Variants in CD8A observed in about 807,000 individuals in gnomAD.
CD8A encodes CD8 subunit alpha, also known as T-cell surface glycoprotein CD8 alpha chain.
CD8A carries 25 observed loss-of-function variants against 24.2 expected under a neutral mutation model. The ratio of observed to expected loss-of-function variants is 1.03; its 90% confidence interval spans 0.75 to 1.44. The LOEUF is 1.44. Ranked by LOEUF, CD8A falls within the 40% of genes most tolerant of loss-of-function variation. The probability of loss-of-function intolerance (pLI) is 0.00; values close to 1 mark genes in which losing one functional copy is unlikely to be tolerated. For missense variants in CD8A, 360 were observed against 319.7 expected, an observed-to-expected ratio of 1.13 and a Z score of -0.96; for synonymous variants, 165 against 149.9, an observed-to-expected ratio of 1.10 and a Z score of -0.74.
rs375607264 is a variant in CD8A, at chr2:86,802,855, C to A, written c.-417-1198G>T. 3.9e-5 allele frequency among the ~76,000 whole-genome samples: 6 copies of A among 152,130 alleles called. No homozygotes were observed. In the East Asian group the frequency reaches 1.2e-3, roughly 29 times the overall value. On this transcript the variant is annotated intron_variant, in intron 2 of 8. Coordinates refer to the CD8A transcript ENST00000409511. ...TGAACTCTTGGCCTCAAGTGATCTG[C>A]CTGCCTTGGCTTCCCAAAATGCTGG... is the stretch of plus-strand genomic sequence containing the variant.
At chr2:86,793,909 G>C (rs1056076704), upstream of CD8A, among the ~76,000 whole-genome samples, 1 of 152,182 alleles carries the variant, frequency 6.6e-6, no homozygotes, top group African/African-American at 2.4e-5. Context: ...TGGGGGTTGG[G>C]GTGGGGAGGA....
Position 86,790,679 on chromosome 2 carries a change from C to A in CD8A, c.52G>T (p.Ala18Ser), listed in dbSNP as rs1401592907. 9 of 1,596,266 alleles carry A rather than the reference C, an allele frequency of 5.6e-6. No homozygotes were observed. The highest frequency in any genetic ancestry group is 5.1e-6 in the Non-Finnish European group (6 of 1,178,300). The change falls in exon 2 of 6, where the codon GCC becomes TCC. Residue 18 changes from alanine to serine, a missense_variant and splice_region_variant. Transcript: ENST00000283635. ...ACCCGGAACTGGCTCGGCCTGGCGG[C>A]GTCTGCAGGCGGCAAGCAGCGAGGC... ...LLLPLALLLH[A>S]ARPSQFRVSP...
At chr2:86,797,296 A>G (rs1673513134) in intron 3 of CD8A, among the ~76,000 whole-genome samples, 1 of 152,076 alleles carries the variant, frequency 6.6e-6, no homozygotes, top group Non-Finnish European at 1.5e-5. Context: ...CATACAGAAG[A>G]GTATATGGAA....
Position 86,785,153 on chromosome 2 carries a change from A to G in CD8A, c.*767T>C. On this transcript the variant is annotated 3_prime_UTR_variant, in exon 6 of 6. Coordinates refer to ENST00000283635, the MANE Select transcript of CD8A (RefSeq NM_001768.7). Reference sequence around the variant, plus strand: ...CCCTCTGCAATGCAAGGGCTGGGAGAGCAATTCCGCCTCCACATAGGGGTT... The same window carrying G: ...CCCTCTGCAATGCAAGGGCTGGGAGGGCAATTCCGCCTCCACATAGGGGTT... The G allele has an allele frequency of 2.2e-6, 1 of 453,992 alleles. No individual in the cohort carries two copies. The highest frequency in any genetic ancestry group is 4.4e-6 in the Non-Finnish European group (1 of 226,770). 28.1% of individuals were successfully genotyped at this position (453,992 alleles called of 1,614,324 possible).
At chr2:86,789,514 G>T in intron 3 of CD8A, 81 bp from the exon 4 acceptor site, 1 of 1,355,132 alleles carries the variant, frequency 7.4e-7, no homozygotes, top group Non-Finnish European at 1.1e-6. Context: ...ACGTCTCTCC[G>T]CCTCAGATCT....
At chr2:86,791,525 C>T (rs1317666320), upstream of CD8A, 1 of 454,196 alleles carries the variant, frequency 2.2e-6, no homozygotes, top group East Asian at 6.9e-5. Flanking sequence ...AGCCTCATCT[C>T]TTCTTGGAGC....
intron 2 of CD8A, among the ~76,000 whole-genome samples, chr2:86,790,088 T>A (rs1050851075): frequency 3.3e-5 from 5 of 152,188 alleles, no homozygotes; most frequent in Admixed American, 2.0e-4. Context: ...ATTTAAGTCA[T>A]TTGCCCAGAA....
chr2:86,790,482 C>A lies in CD8A; in HGVS notation c.249G>T (p.Gly83=), dbSNP rs767103645. 4.3e-6 allele frequency: 7 copies of A among 1,614,028 alleles called. No homozygotes were observed. The highest frequency in any genetic ancestry group is 5.9e-6 in the Non-Finnish European group (7 of 1,180,038). Residue 83 remains glycine (G), a synonymous_variant, in exon 2 of 6, where the codon GGG becomes GGT. Coordinates refer to ENST00000283635, the MANE Select transcript of CD8A (RefSeq NM_001768.7). ...LSQNKPKAAE[G]LDTQRFSGKR... Reference sequence around the variant, plus strand: ...TGCCCGAGAACCGCTGGGTGTCCAGCCCCTCGGCCGCCTTGGGCTTGTTTT... The same window carrying A: ...TGCCCGAGAACCGCTGGGTGTCCAGACCCTCGGCCGCCTTGGGCTTGTTTT...
At chr2:86,792,322 T>C (rs945329026), upstream of CD8A, among the ~76,000 whole-genome samples, 10 of 152,264 alleles carry the variant, frequency 6.6e-5, 1 homozygote, top group South Asian at 1.9e-3. Context: ...CATTCTGTGT[T>C]CCATGTGTCT....
At chr2:86,807,386 G>C (rs1275069549) in intron 2 of CD8A, 1 of 152,380 alleles carries the variant, frequency 6.6e-6, no homozygotes, top group Non-Finnish European at 1.5e-5. Flanking sequence ...GTTTCTGCGC[G>C]TGCCCATAAG....
chr2:86,800,688 G>A (rs977694394), intron 3 of CD8A, among the ~76,000 whole-genome samples: 8 of 152,100 alleles, frequency 5.3e-5, no homozygotes, highest in Admixed American at 5.2e-4. Flanking sequence ...ATCTAAAAAT[G>A]GTAACAAACC....
At position 86,785,233 on chromosome 2, in the gene CD8A, C is replaced by T. The variant is rs772249064; in HGVS notation, c.*687G>A. On this transcript the variant is annotated 3_prime_UTR_variant, in exon 6 of 6. Coordinates refer to ENST00000283635, the MANE Select transcript of CD8A (RefSeq NM_001768.7). ...ATTCATTTTCCAGGGTTAAGCTCAC[C>T]ACTTCATTTTATTTTAGGTCTATAC... 1 of 453,818 alleles carries T rather than the reference C, an allele frequency of 2.2e-6. No homozygotes were observed. Among genetic ancestry groups the T allele is most frequent in the South Asian group, 1.6e-5 (1 of 64,460 alleles). 28.1% of individuals were successfully genotyped at this position (453,818 alleles called of 1,614,324 possible).
intron 1 of CD8A, 41 bp from the exon 2 acceptor site, chr2:86,790,722 G>GGCCC: frequency 9.4e-6 from 14 of 1,487,778 alleles, no homozygotes; most frequent in Non-Finnish European, 1.1e-5. Context: ...GCAGTCCCGC[G>GGCCC]CCCCCCGCCC....
intron 2 of CD8A, chr2:86,801,683 T>G (rs1390564529): frequency 1.3e-5 from 2 of 152,080 alleles, no homozygotes; most frequent in African/African-American, 4.8e-5. Context: ...AGGAAAAAGT[T>G]AAAAGATTTA....
chr2:86,785,422 C>A lies in CD8A; in HGVS notation c.*498G>T, dbSNP rs1672956037. 2.2e-6 allele frequency: 1 copy of A among 454,784 alleles called. No homozygotes were observed. Among genetic ancestry groups the A allele is most frequent in the Non-Finnish European group, 4.4e-6 (1 of 227,394 alleles). The allele number at this position is 454,784 out of a possible 1,614,324, so 28.2% of individuals were successfully genotyped here. On this transcript the variant is annotated 3_prime_UTR_variant, in exon 6 of 6. Coordinates refer to ENST00000283635, the MANE Select transcript of CD8A (RefSeq NM_001768.7). ...TCCCTTGCCGTTGGAGACTCAAGCA[C>A]CTCACCCTGAGACAGGGGCCTCGGA...
At chr2:86,795,745 G>A (rs1447781682), upstream of CD8A, among the ~76,000 whole-genome samples, 1 of 152,138 alleles carries the variant, frequency 6.6e-6, no homozygotes, top group African/African-American at 2.4e-5. Context: ...TCTCTTGATT[G>A]AAAGAGAGCC....
At chr2:86,789,282 GCGGGGCCGACTCCTTCC>G (rs1673159661) in intron 4 of CD8A, 24 bp downstream of exon 4, 1 of 1,309,290 alleles carries the variant, frequency 7.6e-7, no homozygotes, top group African/African-American at 1.4e-5. Context: ...AAGGGCAGGA[GCGGGGCCGACTCCTTCC>G]CGCCGCGATT....
rs747905661 is a variant in CD8A at position 86,789,740 on chromosome 2, G to C, written c.414C>G (p.Thr138=). 7.3e-7 allele frequency: 1 copy of C among 1,362,136 alleles called. No individual in the cohort carries two copies. The highest frequency in any genetic ancestry group is 9.4e-7 in the Non-Finnish European group (1 of 1,065,294). The allele number at this position is 1,362,136 out of a possible 1,614,324, so 84.4% of individuals were successfully genotyped here. The change falls in exon 3 of 6, where the codon ACC becomes ACG. Residue 138 remains threonine (T), a synonymous_variant. Coordinates refer to ENST00000283635, the MANE Select transcript of CD8A (RefSeq NM_001768.7). ...FVPVFLPAKP[T]TTPAPRPPTP... ...TTGGTGGTCGCGGCGCTGGCGTCGT[G>C]GTGGGCTTCGCTGCAAGAGCAACAG...
rs1278118213 is a variant in CD8A at position 86,789,423 on chromosome 2, C to T, written c.525G>A (p.Arg175=). ...AGATATCACAGGCGAAGTCCAGCCC[C>T]CTCGTGTGCACTGACGACACCAAAG... ...RPAAGGAVHT[R]GLDFACDIYI... is the part of the protein sequence containing the mutation. Residue 175 remains arginine (R), a synonymous_variant, in exon 4 of 6, where the codon AGG becomes AGA. Coordinates refer to ENST00000283635, the MANE Select transcript of CD8A (RefSeq NM_001768.7). The T allele has an allele frequency of 2.5e-6, 4 of 1,613,372 alleles. No homozygotes were observed. Among genetic ancestry groups the T allele is most frequent in the Non-Finnish European group, 2.5e-6 (3 of 1,179,374 alleles).
Sources: allele counts gnomAD v4.1 joint callset (sites outside exome capture counted in the v4.1 genomes callset), GRCh38; gene constraint gnomAD v4.1.1; transcripts MANE v1.5; gene names NCBI Gene and HGNC (gene_info 2026-07-23, HGNC 2026-07-21).